Variants in DNAH1 observed in about 807,000 individuals in gnomAD.
DNAH1 encodes axonemal beta dynein heavy chain 1.
DNAH1 carries 327 observed loss-of-function variants against 484.3 expected under a neutral mutation model. That is an observed-to-expected ratio of 0.68 (90% CI 0.62 to 0.74). The LOEUF (loss-of-function observed/expected upper bound fraction) is 0.74, where lower values mean the gene tolerates loss of function less well. Among genes scored for constraint, DNAH1 ranks in the 30% least tolerant of loss-of-function variants. The pLI, the probability that DNAH1 is intolerant of heterozygous loss-of-function variation, is 0.00. For synonymous variants in DNAH1, 2,192 were observed against 2,191.9 expected (o/e 1.00, Z 0.00); for missense variants, 5,052 against 5,546.8 (o/e 0.91, Z 2.83).
chr3:52,349,231 G>A lies in DNAH1; in HGVS notation c.2337G>A (p.Val779=), dbSNP rs201723256. ...CGCAGGGCCTGTTGGCCCAGGAGGT[G>A]CGGGAGGTAGTGCTCACCCACCTGC... is the stretch of plus-strand genomic sequence containing the variant. ...YQTQGLLAQE[V]REVVLTHLRE... is the part of the protein sequence containing the mutation. Residue 779 remains valine, a synonymous_variant, in exon 14 of 78, where the codon GTG becomes GTA. Transcript: ENST00000420323. 28 of 1,613,776 alleles carry A rather than the reference G, an allele frequency of 1.7e-5. No individual in the cohort carries two copies. The highest frequency in any genetic ancestry group is 1.6e-4 in the Middle Eastern group (1 of 6,084).
Position 52,399,020 on chromosome 3 carries a change from C to T in DNAH1, c.12260C>T (p.Ser4087Leu). The change falls in exon 76 of 78, where the codon TCA becomes TTA. Residue 4087 changes from serine to leucine, a missense_variant. Physicochemically the swap from Ser to Leu is moderately radical, Grantham distance 145. Coordinates refer to ENST00000420323, the MANE Select transcript of DNAH1 (RefSeq NM_015512.5). Reference sequence around the variant, plus strand: ...GCCTACCCATCGCTCAAGCCTCTGTCATCATGGGTCATGGACCTGCTGCAA... The same window carrying T: ...GCCTACCCATCGCTCAAGCCTCTGTTATCATGGGTCATGGACCTGCTGCAA... ...AKAYPSLKPL[S>L]SWVMDLLQRL... 1 of 1,614,048 alleles carries T rather than the reference C, an allele frequency of 6.2e-7. No individual in the cohort carries two copies. The highest frequency in any genetic ancestry group is 8.5e-7 in the Non-Finnish European group (1 of 1,179,900).
At chr3:52,331,420 T>C in intron 7 of DNAH1, 111 bp downstream of exon 7, 1 of 1,297,382 alleles carries the variant, frequency 7.7e-7, no homozygotes, top group Middle Eastern at 2.6e-4. Context: ...AATTCTACTT[T>C]TCTGTTTGCC....
chr3:52,362,939 G>A lies in DNAH1; in HGVS notation c.5095-56G>A. 6.8e-6 allele frequency: 11 copies of A among 1,608,304 alleles called. No homozygotes were observed. The highest frequency in any genetic ancestry group is 9.3e-6 in the Non-Finnish European group (11 of 1,176,496). ...TAGGGAGGAGGGCCGGATGAAGCTG[G>A]GGGTGCTCTGGGGGTGAGCTCTGTT... On this transcript the variant is annotated intron_variant, in intron 31 of 77. Transcript: ENST00000420323. This position sits in a 1 kb window ranked among gnomAD's most constrained non-coding sequence, Gnocchi z 5.1.
At position 52,327,474 on chromosome 3, in the gene DNAH1, C is replaced by T. The variant is rs112444944; in HGVS notation, c.739-408C>T. Among the ~76,000 whole-genome samples the T allele has an allele frequency of 5.5e-3, 832 of 152,246 alleles. 10 individuals are homozygous for T. Among genetic ancestry groups the T allele is most frequent in the African/African-American group, 0.019 (784 of 41,530 alleles). ...GCTACCTCCTGACAGCCCCGAATCT[C>T]ACCAGTTCCAAGTTGGAGTAGGGTC... On this transcript the variant is annotated intron_variant, in intron 5 of 77. Coordinates refer to ENST00000420323, the MANE Select transcript of DNAH1 (RefSeq NM_015512.5).
At position 52,382,366 on chromosome 3, in the gene DNAH1, A is replaced by G; in HGVS notation, c.7852A>G (p.Met2618Val). 3 of 1,613,988 alleles carry G rather than the reference A, an allele frequency of 1.9e-6. No individual in the cohort carries two copies. The highest frequency in any genetic ancestry group is 1.7e-6 in the Non-Finnish European group (2 of 1,179,894). ...FQIELSKNYG[M>V]SEWRDDVKKV... ...GATTGAACTATCCAAGAACTACGGC[A>G]TGTCCGAGTGGCGAGATGATGTGAA... The change falls in exon 50 of 78, where the codon ATG (methionine) becomes GTG (valine). Residue 2618 changes from methionine (M) to valine (V), a missense_variant. By Grantham distance (21) the Met-to-Val change is conservative. This residue lies in a region of DNAH1 where 2,929 missense variants were observed against 3,409.4 expected (regional missense o/e 0.86). Transcript: ENST00000420323.
At chr3:52,351,403 G>T (rs1447949302) in intron 16 of DNAH1, among the ~76,000 whole-genome samples, 1 of 152,246 alleles carries the variant, frequency 6.6e-6, no homozygotes, top group East Asian at 1.9e-4. Flanking sequence ...AGGACCATCA[G>T]GGCCCTGCCC....
chr3:52,361,469 A>AG lies in DNAH1; in HGVS notation c.4874+122dup. Reference sequence around the variant, plus strand: ...CTCGAAGGATGGTGGAGGGGACAGAAGGGGGTAATAGGCATCACGGCTTGG... The same window carrying AG: ...CTCGAAGGATGGTGGAGGGGACAGAAGGGGGGTAATAGGCATCACGGCTTGG... On this transcript the variant is annotated intron_variant, in intron 29 of 77. Coordinates refer to ENST00000420323, the MANE Select transcript of DNAH1 (RefSeq NM_015512.5). The surrounding 1 kb of genome is among the most constrained non-coding windows in gnomAD (Gnocchi z 5.6). 1 of 1,305,854 alleles carries AG rather than the reference A, an allele frequency of 7.7e-7. No homozygotes were observed. The highest frequency in any genetic ancestry group is 1.0e-6 in the Non-Finnish European group (1 of 958,918). The allele number at this position is 1,305,854 out of a possible 1,614,324, so 80.9% of individuals were successfully genotyped here.
chr3:52,396,012 C>G (rs937530446), intron 70 of DNAH1, among the ~76,000 whole-genome samples: 1 of 149,838 alleles, frequency 6.7e-6, no homozygotes, highest in Non-Finnish European at 1.5e-5. Context: ...AATCTCGGTT[C>G]ACTGCAACCT....
At chr3:52,343,379 C>T (rs573461914) in intron 8 of DNAH1, among the ~76,000 whole-genome samples, 1 of 152,062 alleles carries the variant, frequency 6.6e-6, no homozygotes, top group East Asian at 1.9e-4. Flanking sequence ...TGCCTTCTAC[C>T]CTGGCAGAAG....
rs776210713 is a variant in DNAH1, at chr3:52,353,058, G to A, written c.3028-45G>A. On this transcript the variant is annotated intron_variant, in intron 18 of 77. Transcript: ENST00000420323. The surrounding 1 kb of genome is among the most constrained non-coding windows in gnomAD (Gnocchi z 5.0). Reference sequence around the variant, plus strand: ...AAGGGGCAACATGGAGAGAGACTGGGAAGTGTCCCAAGACAGCCCCAGCCC... The same window carrying A: ...AAGGGGCAACATGGAGAGAGACTGGAAAGTGTCCCAAGACAGCCCCAGCCC... 4 of 1,558,802 alleles carry A rather than the reference G, an allele frequency of 2.6e-6. No homozygotes were observed. In the South Asian group the frequency reaches 3.6e-5, roughly 14 times the overall value.
intron 75 of DNAH1, 40 bp from the exon 76 acceptor site, chr3:52,398,807 TGAC>T: frequency 6.9e-7 from 1 of 1,450,028 alleles, no homozygotes; most frequent in South Asian, 1.4e-5. Flanking sequence ...TACTGCCACG[TGAC>T]CCCAGCCCAC....
At position 52,331,210 on chromosome 3, in the gene DNAH1, G is replaced by A. The variant is rs771932160; in HGVS notation, c.934G>A (p.Glu312Lys). The A allele has an allele frequency of 1.1e-5, 17 of 1,609,438 alleles. No individual in the cohort carries two copies. In the South Asian group the frequency reaches 1.1e-4, roughly 11 times the overall value. The change falls in exon 7 of 78, where the codon GAG becomes AAG. Residue 312 changes from glutamate (E) to lysine (K), a missense_variant. Glu to Lys is a moderately conservative substitution (Grantham distance 56, BLOSUM62 1). Around this residue, in one of 4 missense-constraint regions of DNAH1, gnomAD observed 1,263 missense variants for 1,218.8 expected, o/e 1.04. Transcript: ENST00000420323. ...CGAGGTCGGCGTCCTGGACTACGACGAGGAGAAGAAGCTATACCTGGTACA... is the reference window on the plus strand; with the variant it reads ...CGAGGTCGGCGTCCTGGACTACGACAAGGAGAAGAAGCTATACCTGGTACA... The part of the protein sequence containing the change: ...WCEVGVLDYD[E>K]EKKLYLVHKT...
intron 37 of DNAH1, 138 bp from the exon 38 acceptor site, chr3:52,369,687 C>A: frequency 1.1e-6 from 1 of 914,746 alleles, no homozygotes; most frequent in South Asian, 1.8e-5. Flanking sequence ...CCTGTCCCAC[C>A]CAGCACTGCC....
Position 52,353,728 on chromosome 3 carries a change from C to G in DNAH1, c.3480+95C>G. ...CAACCACAGCCACTTGGGAGGATGA[C>G]AGTAATAAGCCCCATCCCTGGGGTC... is the stretch of plus-strand genomic sequence containing the variant. On this transcript the variant is annotated intron_variant, in intron 20 of 77. Transcript: ENST00000420323. This position sits in a 1 kb window ranked among gnomAD's most constrained non-coding sequence, Gnocchi z 5.0. The G allele has an allele frequency of 6.6e-7, 1 of 1,509,190 alleles. No individual in the cohort carries two copies. Among genetic ancestry groups the G allele is most frequent in the Non-Finnish European group, 8.9e-7 (1 of 1,122,778 alleles). The allele number at this position is 1,509,190 out of a possible 1,614,324, so 93.5% of individuals were successfully genotyped here.
At chr3:52,392,225 C>A (rs147611199) in intron 63 of DNAH1, among the ~76,000 whole-genome samples, 1 of 152,238 alleles carries the variant, frequency 6.6e-6, no homozygotes, top group Admixed American at 6.5e-5. Flanking sequence ...TCCAACTGCT[C>A]AGCCCCTTCT....
chr3:52,359,258 C>T lies in DNAH1; in HGVS notation c.4279C>T (p.Gln1427Ter). 1 of 1,567,674 alleles carries T rather than the reference C, an allele frequency of 6.4e-7. No individual in the cohort carries two copies. The highest frequency in any genetic ancestry group is 8.7e-7 in the Non-Finnish European group (1 of 1,155,552). ...GCTGTCTTCCCAGATGCCCAGGACCCAGTGGGTTCTGAACTGGCCTGGCCA... is the reference window on the plus strand; with the variant it reads ...GCTGTCTTCCCAGATGCCCAGGACCTAGTGGGTTCTGAACTGGCCTGGCCA... ...IRAYPTMPRTQWVLNWPGQVT... is the reference protein window; with the variant it reads ...IRAYPTMPRT Residue 1427 changes from glutamine to a stop codon, truncating the protein, a stop_gained, in exon 26 of 78, where the codon CAG becomes TAG. Coordinates refer to ENST00000420323, the MANE Select transcript of DNAH1 (RefSeq NM_015512.5). LOFTEE classifies it high-confidence loss of function.
chr3:52,363,195 C>A, intron 32 of DNAH1, 51 bp downstream of exon 32: 1 of 1,600,812 alleles, frequency 6.2e-7, no homozygotes, highest in Non-Finnish European at 8.5e-7. Flanking sequence ...TCTGCCTGCT[C>A]CCAGCCTCCA....
rs764951539 is a variant in DNAH1, at chr3:52,399,717, A to G, written c.12614A>G (p.Asn4205Ser). ...GTTATCTGGCTCTTGCCAACACCCA[A>G]CCGCAAGGCCCAGGACCAGGACTTT... ...MAVIWLLPTP[N>S]RKAQDQDFYL... is the part of the protein sequence containing the mutation. Residue 4205 changes from asparagine (N) to serine (S), a missense_variant, in exon 77 of 78, where the codon AAC (asparagine) becomes AGC (serine). Physicochemically the swap from Asn to Ser is conservative, Grantham distance 46 (BLOSUM62 1). Coordinates refer to ENST00000420323, the MANE Select transcript of DNAH1 (RefSeq NM_015512.5). 6.2e-7 allele frequency: 1 copy of G among 1,613,938 alleles called. No homozygotes were observed. The highest frequency in any genetic ancestry group is 8.5e-7 in the Non-Finnish European group (1 of 1,179,864).
At chr3:52,371,866 T>C (rs964996227) in intron 41 of DNAH1, 80 bp from the exon 42 acceptor site, 6 of 1,566,762 alleles carry the variant, frequency 3.8e-6, no homozygotes. Context: ...CTGGCCCTTC[T>C]GCACTTGGCC....
Sources: allele counts gnomAD v4.1 joint callset (sites outside exome capture counted in the v4.1 genomes callset), GRCh38; gene constraint gnomAD v4.1.1; regional missense constraint gnomAD v4.1.1; non-coding constraint Gnocchi (gnomAD v3.1); transcripts MANE v1.5; gene names NCBI Gene and HGNC (gene_info 2026-07-23, HGNC 2026-07-21).